The following VTA1 variants were observed in gnomAD, a reference collection of about 807,000 sequenced individuals.
VTA1 encodes vesicle trafficking 1, also known as vacuolar protein sorting-associated protein VTA1 homolog.
A neutral mutation model predicts 36.9 loss-of-function variants in VTA1; 24 were observed. The observed-to-expected ratio is 0.65, with a 90% CI of 0.47 to 0.91. VTA1 has a LOEUF of 0.91. Among genes scored for constraint, VTA1 ranks in the 40% least tolerant of loss-of-function variants. The pLI, the probability that VTA1 is intolerant of heterozygous loss-of-function variation, is 0.00. For missense variants in VTA1, 393 were observed against 377.2 expected, an observed-to-expected ratio of 1.04 and a Z score of -0.35; for synonymous variants, 142 against 130.2, an observed-to-expected ratio of 1.09 and a Z score of -0.62.
intron 6 of VTA1, among the ~76,000 whole-genome samples, chr6:142,199,832 T>G: frequency 6.6e-6 from 1 of 152,298 alleles, no homozygotes; most frequent in Non-Finnish European, 1.5e-5. Flanking sequence ...GTGATGATAT[T>G]AATAGACAAA....
intron 2 of VTA1, among the ~76,000 whole-genome samples, chr6:142,169,275 A>G (rs1299282660): frequency 2.0e-5 from 3 of 152,268 alleles, no homozygotes; most frequent in East Asian, 3.9e-4. Context: ...AATTGGATAT[A>G]TTATCCTTTT....
intron 5 of VTA1, among the ~76,000 whole-genome samples, chr6:142,189,987 G>C (rs1210536821): frequency 6.6e-6 from 1 of 152,070 alleles, no homozygotes; most frequent in Admixed American, 6.5e-5. Flanking sequence ...TCGATCTCCT[G>C]ACCTTGTGAT....
At chr6:142,173,980 C>G (rs1361813585) in intron 4 of VTA1, among the ~76,000 whole-genome samples, 1 of 152,114 alleles carries the variant, frequency 6.6e-6, no homozygotes, top group Non-Finnish European at 1.5e-5. Context: ...AGCCCCTTTG[C>G]CTTGCACTGG....
intron 1 of VTA1, among the ~76,000 whole-genome samples, chr6:142,155,702 C>G (rs1006796175): frequency 2.0e-5 from 3 of 152,098 alleles, no homozygotes; most frequent in African/African-American, 7.2e-5. Flanking sequence ...TTTTAACATT[C>G]TACTTTATCT....
chr6:142,217,552 A>G (rs989420568), intron 7 of VTA1, among the ~76,000 whole-genome samples: 3 of 151,396 alleles, frequency 2.0e-5, no homozygotes, highest in African/African-American at 7.3e-5. Flanking sequence ...GCGTGTGTGT[A>G]TTTGTGTATA....
chr6:142,185,197 A>T (rs769732036), intron 4 of VTA1, among the ~76,000 whole-genome samples: 55 of 152,144 alleles, frequency 3.6e-4, no homozygotes, highest in Non-Finnish European at 7.1e-4. Context: ...AAACAGGTTT[A>T]ATACTTCCTA....
At chr6:142,162,632 GT>G (rs1582878974) in intron 1 of VTA1, among the ~76,000 whole-genome samples, 1 of 152,118 alleles carries the variant, frequency 6.6e-6, no homozygotes, top group East Asian at 1.9e-4. Context: ...ACAATCTGTC[GT>G]CAGTTTCTGC....
At position 142,166,681 on chromosome 6, in the gene VTA1, G is replaced by T. The variant is rs181714037; in HGVS notation, c.207+359G>T. 2.0e-5 allele frequency among the ~76,000 whole-genome samples: 3 copies of T among 151,662 alleles called. No individual in the cohort carries two copies. In the East Asian group the frequency reaches 5.8e-4, roughly 29 times the overall value. On this transcript the variant is annotated intron_variant, in intron 2 of 7. Coordinates refer to ENST00000367630, the MANE Select transcript of VTA1 (RefSeq NM_016485.5). Reference sequence around the variant, plus strand: ...CCAGGCTGGAGTGCATTGCAGTGGCGTGATCTCTCGGCTTGCTGCAACCCC... The same window carrying T: ...CCAGGCTGGAGTGCATTGCAGTGGCTTGATCTCTCGGCTTGCTGCAACCCC...
chr6:142,191,095 A>T (rs963948901), intron 5 of VTA1, among the ~76,000 whole-genome samples: 1 of 152,036 alleles, frequency 6.6e-6, no homozygotes, highest in East Asian at 1.9e-4. Context: ...TAGGATTTTT[A>T]TGTTGACATT....
intron 7 of VTA1, among the ~76,000 whole-genome samples, chr6:142,208,915 A>G (rs1307653037): frequency 1.3e-5 from 2 of 152,218 alleles, no homozygotes; most frequent in Non-Finnish European, 2.9e-5. Flanking sequence ...AGAAAACACT[A>G]ATGTGCAGAA....
chr6:142,170,915 A>G (rs929303348), intron 4 of VTA1, among the ~76,000 whole-genome samples: 2 of 151,694 alleles, frequency 1.3e-5, no homozygotes, highest in Non-Finnish European at 2.9e-5. Context: ...TGTGAACCCC[A>G]TTGCACCTGG....
intron 5 of VTA1, among the ~76,000 whole-genome samples, chr6:142,192,445 A>C (rs937837201): frequency 2.6e-5 from 4 of 152,104 alleles, no homozygotes; most frequent in African/African-American, 9.7e-5. Context: ...TGTATGTAGA[A>C]TTAATGATAT....
At chr6:142,152,722 T>C (rs894568617) in intron 1 of VTA1, among the ~76,000 whole-genome samples, 4 of 152,178 alleles carry the variant, frequency 2.6e-5, no homozygotes, top group African/African-American at 9.7e-5. Flanking sequence ...TATACCTGTT[T>C]AACCTTCTCA....
At chr6:142,214,645 T>C (rs1226562572) in intron 7 of VTA1, among the ~76,000 whole-genome samples, 1 of 152,156 alleles carries the variant, frequency 6.6e-6, no homozygotes. Context: ...TCCAAACTCA[T>C]GGAATGCACA....
intron 1 of VTA1, among the ~76,000 whole-genome samples, chr6:142,158,001 AC>A (rs1778696524): frequency 1.4e-5 from 2 of 145,634 alleles, no homozygotes; most frequent in Admixed American, 6.9e-5. Flanking sequence ...TGGTAATAGT[AC>A]CCCCAGACAT....
intron 7 of VTA1, among the ~76,000 whole-genome samples, chr6:142,215,637 G>C (rs979097233): frequency 1.3e-5 from 2 of 152,100 alleles, no homozygotes; most frequent in Non-Finnish European, 2.9e-5. Flanking sequence ...AAGGATAATA[G>C]AGTATACCAG....
chr6:142,190,223 A>G (rs1775428042), intron 5 of VTA1, among the ~76,000 whole-genome samples: 1 of 152,226 alleles, frequency 6.6e-6, no homozygotes, highest in South Asian at 2.1e-4. Flanking sequence ...GTTCAAAAAA[A>G]TTGTAGAGTA....
intron 1 of VTA1, among the ~76,000 whole-genome samples, chr6:142,154,419 A>G (rs916788397): frequency 5.9e-5 from 9 of 152,236 alleles, no homozygotes; most frequent in African/African-American, 2.2e-4. Flanking sequence ...AATTATGAAT[A>G]AAGTGAATAT....
chr6:142,171,792 T>G (rs1408792042), intron 4 of VTA1, among the ~76,000 whole-genome samples: 2 of 152,208 alleles, frequency 1.3e-5, no homozygotes, highest in East Asian at 3.8e-4. Flanking sequence ...GATTAAACTT[T>G]TTTTTCAAAA....
Sources: gnomAD v4.1 joint callset for allele counts (sites outside exome capture counted in the v4.1 genomes callset) on GRCh38, gnomAD v4.1.1 for gene constraint, MANE v1.5 for transcripts, NCBI Gene and HGNC (gene_info 2026-07-23, HGNC 2026-07-21) for gene names.